Variants in TUSC3 observed in about 807,000 individuals in gnomAD.
TUSC3 encodes the protein tumor suppressor candidate 3, also known as dolichyl-diphosphooligosaccharide--protein glycosyltransferase subunit TUSC3.
Under a neutral mutation model 44.8 loss-of-function variants are expected in TUSC3, and 45 were observed. That is an observed-to-expected ratio of 1.00 (90% confidence interval 0.79 to 1.29). The LOEUF is 1.29. TUSC3 is among the 50% of genes most tolerant of loss of function. TUSC3 has a pLI of 0.00. For missense variants in TUSC3, 519 were observed against 437.9 expected, an observed-to-expected ratio of 1.19 and a Z score of -1.65; for synonymous variants, 212 against 152.9, an observed-to-expected ratio of 1.39 and a Z score of -2.85.
chr8:15,482,113 C>A (rs1800670709), intron 1 of TUSC3, among the ~76,000 whole-genome samples: 1 of 152,184 alleles, frequency 6.6e-6, no homozygotes, highest in Admixed American at 6.5e-5. Flanking sequence ...AAATCACTTT[C>A]TTTGTTCATC....
chr8:15,455,641 C>T (rs147834157), intron 1 of TUSC3, among the ~76,000 whole-genome samples: 33 of 152,120 alleles, frequency 2.2e-4, no homozygotes, highest in Non-Finnish European at 2.9e-4. Flanking sequence ...GGCTTCTAGC[C>T]AATGAGACCA....
At chr8:15,672,801 T>C (rs11774277) in intron 5 of TUSC3, among the ~76,000 whole-genome samples, 32,161 of 152,006 alleles carry the variant, frequency 0.21, 4,268 homozygotes, top group Non-Finnish European at 0.3. Context: ...CTTTAAAAAA[T>C]TGTGCAAACT....
the TUSC3 span, among the ~76,000 whole-genome samples, chr8:15,848,789 A>G: frequency 1.3e-5 from 2 of 152,196 alleles, no homozygotes; most frequent in African/African-American, 2.4e-5. Flanking sequence ...TAATTCTATG[A>G]AAATAACTTC....
rs562978827 is a variant in TUSC3 at position 15,437,442 on chromosome 8, C to T, written n.91+20137C>T. The stretch of plus-strand genomic sequence containing the variant: ...CCAGAAAGAGATTCGTGATTTTATT[C>T]TGTGGCTGTTATAAGTGCTTAGAGC... On this transcript the variant is annotated intron_variant and non_coding_transcript_variant, in intron 1 of 5. Transcript: ENST00000503191. Among the ~76,000 whole-genome samples the T allele has an allele frequency of 9.9e-5, 15 of 152,190 alleles. No homozygotes were observed. The South Asian group carries it at 2.9e-3, about 29-fold the overall frequency.
At chr8:15,632,021 A>T (rs1055847051) in intron 2 of TUSC3, among the ~76,000 whole-genome samples, 22 of 152,238 alleles carry the variant, frequency 1.4e-4, no homozygotes, top group African/African-American at 5.3e-4. Flanking sequence ...CTATTCTTAT[A>T]TAATTAGAAC....
At chr8:15,830,870 A>G in the TUSC3 span, among the ~76,000 whole-genome samples, 1 of 152,220 alleles carries the variant, frequency 6.6e-6, no homozygotes, top group Non-Finnish European at 1.5e-5. Flanking sequence ...ATATAGCCAT[A>G]TAACAAACCT....
At chr8:15,506,976 T>G (rs1319057325) in intron 2 of TUSC3, among the ~76,000 whole-genome samples, 1 of 152,240 alleles carries the variant, frequency 6.6e-6, no homozygotes, top group Non-Finnish European at 1.5e-5. Flanking sequence ...TCTAGATGGC[T>G]GTTTATGCTT....
chr8:15,738,422 T>C lies in TUSC3; in HGVS notation c.863-5116T>C, dbSNP rs543246238. 1.4e-4 allele frequency among the ~76,000 whole-genome samples: 22 copies of C among 152,324 alleles called. No homozygotes were observed. The South Asian group carries it at 4.6e-3, about 32-fold the overall frequency. On this transcript the variant is annotated intron_variant, in intron 7 of 10. Coordinates refer to ENST00000503731, the MANE Select transcript of TUSC3 (RefSeq NM_006765.4). ...CAGGGTTTGGCAAACTAGGACCAGT[T>C]CAGGCCCAATCCAACCTGCCTGCTA... is the stretch of plus-strand genomic sequence containing the variant.
chr8:15,448,989 G>A (rs553023871), intron 1 of TUSC3, among the ~76,000 whole-genome samples: 48 of 152,210 alleles, frequency 3.2e-4, no homozygotes, highest in African/African-American at 1.1e-3. Flanking sequence ...ATGTATAGTA[G>A]TGTCTAGTAA....
intron 1 of TUSC3, among the ~76,000 whole-genome samples, chr8:15,595,726 TACAA>T (rs1804040573): frequency 6.6e-6 from 1 of 152,198 alleles, no homozygotes; most frequent in Non-Finnish European, 1.5e-5. Flanking sequence ...CCTAGTGTAA[TACAA>T]TGTAGCACTT....
chr8:15,468,346 C>G (rs1489783614), intron 1 of TUSC3, among the ~76,000 whole-genome samples: 2 of 152,160 alleles, frequency 1.3e-5, no homozygotes, highest in South Asian at 4.1e-4. Context: ...TTTCACTACT[C>G]CAGTCCTCTT....
chr8:15,677,777 G>C (rs1808254365), intron 6 of TUSC3, among the ~76,000 whole-genome samples: 1 of 152,200 alleles, frequency 6.6e-6, no homozygotes, highest in African/African-American at 2.4e-5. Context: ...GGCAGGAAAG[G>C]TGGGGAGTAG....
intron 1 of TUSC3, among the ~76,000 whole-genome samples, chr8:15,425,278 A>G (rs905392190): frequency 2.6e-5 from 4 of 152,260 alleles, no homozygotes; most frequent in Non-Finnish European, 5.9e-5. Context: ...GTTGGAAACT[A>G]TAAATTGGTT....
intron 5 of TUSC3, among the ~76,000 whole-genome samples, chr8:15,669,540 A>G (rs1807847492): frequency 6.6e-6 from 1 of 151,862 alleles, no homozygotes; most frequent in African/African-American, 2.4e-5. Context: ...TACATTGTCA[A>G]GTTATTTCAC....
chr8:15,601,304 A>G (rs1240736714), intron 1 of TUSC3, among the ~76,000 whole-genome samples: 1 of 151,660 alleles, frequency 6.6e-6, no homozygotes, highest in Non-Finnish European at 1.5e-5. Context: ...ATAAAAAACC[A>G]TTTCCTCAAA....
At chr8:15,793,673 T>C in the TUSC3 span, among the ~76,000 whole-genome samples, 1 of 152,208 alleles carries the variant, frequency 6.6e-6, no homozygotes, top group Non-Finnish European at 1.5e-5. Context: ...CCTACTAGAA[T>C]ATAAGTTCCA....
At chr8:15,652,198 C>G (rs1335239258) in intron 3 of TUSC3, among the ~76,000 whole-genome samples, 6 of 152,148 alleles carry the variant, frequency 3.9e-5, no homozygotes, top group Non-Finnish European at 7.3e-5. Flanking sequence ...GTATCTTGGT[C>G]TATCTCACAT....
chr8:15,490,972 G>A (rs1020284085), intron 2 of TUSC3, among the ~76,000 whole-genome samples: 2 of 151,978 alleles, frequency 1.3e-5, no homozygotes, highest in Non-Finnish European at 2.9e-5. Flanking sequence ...AGGGTCTGGG[G>A]CCCCCCCAAT....
chr8:15,495,414 C>T (rs983772050), intron 2 of TUSC3, among the ~76,000 whole-genome samples: 1 of 152,090 alleles, frequency 6.6e-6, no homozygotes, highest in Admixed American at 6.5e-5. Context: ...GTGGAAATGA[C>T]CTTCAGGTGA....
Sources: allele counts gnomAD v4.1 joint callset (sites outside exome capture counted in the v4.1 genomes callset), GRCh38; gene constraint gnomAD v4.1.1; transcripts MANE v1.5; gene names NCBI Gene and HGNC (gene_info 2026-07-23, HGNC 2026-07-21).